TRPM6: variants seen among roughly 807,000 people sequenced by gnomAD.
The protein encoded by TRPM6 is transient receptor potential cation channel subfamily M member 6.
TRPM6 carries 111 observed loss-of-function variants against 247.6 expected under a neutral mutation model. The observed-to-expected ratio is 0.45, with a 90% CI of 0.38 to 0.52. The LOEUF (loss-of-function observed/expected upper bound fraction) is 0.52. Among genes scored for constraint, TRPM6 ranks in the 20% least tolerant of loss-of-function variants. TRPM6 has a pLI of 0.00. For synonymous variants in TRPM6, 892 were observed against 853.8 expected, an observed-to-expected ratio of 1.04 and a Z score of -0.78; for missense variants, 2,126 against 2,421.5, an observed-to-expected ratio of 0.88 and a Z score of 2.56.
chr9:74,887,368 C>T, intron 1 of TRPM6: 2 of 1,391,642 alleles, frequency 1.4e-6, no homozygotes, highest in Non-Finnish European at 1.9e-6. Flanking sequence ...GGCTAGTCAG[C>T]GTCCGGGTCT....
intron 3 of TRPM6, among the ~76,000 whole-genome samples, chr9:74,847,262 G>A (rs561847353): frequency 6.6e-6 from 1 of 152,242 alleles, no homozygotes; most frequent in East Asian, 1.9e-4. Flanking sequence ...GTGCAGTGGT[G>A]TGACCATGGC....
intron 17 of TRPM6, among the ~76,000 whole-genome samples, chr9:74,798,632 G>A (rs1828186291): frequency 6.6e-6 from 1 of 152,006 alleles, no homozygotes; most frequent in South Asian, 2.1e-4. Context: ...CTCTCTACAT[G>A]GTTTTCCTAC....
At position 74,788,594 on chromosome 9, in the gene TRPM6, A is replaced by C; in HGVS notation, c.2667+20T>G. The C allele has an allele frequency of 6.2e-7, 1 of 1,613,660 alleles. No homozygotes were observed. The highest frequency in any genetic ancestry group is 8.5e-7 in the Non-Finnish European group (1 of 1,179,684). ...AGCTGAGGACATATGCAGAAGATAAAGGTAGATGGCATAACTCACCTCCCT... is the reference window on the plus strand; with the variant it reads ...AGCTGAGGACATATGCAGAAGATAACGGTAGATGGCATAACTCACCTCCCT... On this transcript the variant is annotated intron_variant, in intron 20 of 38. Transcript: ENST00000360774.
chr9:74,812,332 A>G lies in TRPM6; in HGVS notation c.1410T>C (p.Leu470=). The change falls in exon 12 of 39, where the codon CTT becomes CTC. Residue 470 remains leucine (L), a synonymous_variant. Coordinates refer to ENST00000360774, the MANE Select transcript of TRPM6 (RefSeq NM_017662.5). ...IEYGVNLHRF[L]TIPRLEELYN... ...AGAGCTCTTCCAGTCGAGGGATGGT[A>G]AGAAAGCGATGGAGGTTCACTCCAT... 2 of 1,613,976 alleles carry G rather than the reference A, an allele frequency of 1.2e-6. No individual in the cohort carries two copies. The highest frequency in any genetic ancestry group is 1.7e-6 in the Non-Finnish European group (2 of 1,179,924).
chr9:74,831,029 T>G (rs1416309915), intron 6 of TRPM6, among the ~76,000 whole-genome samples: 1 of 152,106 alleles, frequency 6.6e-6, no homozygotes, highest in Non-Finnish European at 1.5e-5. Flanking sequence ...TATCAAAGAT[T>G]TACATATCTT....
At chr9:74,747,949 G>A (rs1488577399) in intron 30 of TRPM6, 35 bp from the exon 31 acceptor site, 1 of 1,600,248 alleles carries the variant, frequency 6.2e-7, no homozygotes, top group East Asian at 2.2e-5. Context: ...TTTAGATAAT[G>A]CTGCCTTAAA....
At chr9:74,744,253 CTTCTCAGTA>C in intron 31 of TRPM6, 108 bp from the exon 32 acceptor site, 1 of 1,227,408 alleles carries the variant, frequency 8.1e-7, no homozygotes. Flanking sequence ...ATCAGAATGG[CTTCTCAGTA>C]TTCGAAAAAG....
intron 1 of TRPM6, among the ~76,000 whole-genome samples, chr9:74,880,770 AAC>A (rs1250492558): frequency 1.3e-5 from 2 of 152,216 alleles, no homozygotes; most frequent in Non-Finnish European, 2.9e-5. Context: ...TAATAGGACA[AAC>A]ACACAAATAA....
intron 13 of TRPM6, 22 bp from the exon 14 acceptor site, chr9:74,808,196 A>G (rs746039767): frequency 1.9e-6 from 3 of 1,613,670 alleles, no homozygotes; most frequent in Non-Finnish European, 2.5e-6. Flanking sequence ...ACATGCAACG[A>G]CTTTTAACTT....
At chr9:74,767,535 C>T (rs75422687) in intron 25 of TRPM6, among the ~76,000 whole-genome samples, 15,592 of 152,098 alleles carry the variant, frequency 0.1, 910 homozygotes, top group South Asian at 0.22. Context: ...GCTCAGTTAC[C>T]TCAGGAAATA....
chr9:74,735,079 G>T (rs1825649325), intron 36 of TRPM6, among the ~76,000 whole-genome samples: 1 of 152,070 alleles, frequency 6.6e-6, no homozygotes, highest in Non-Finnish European at 1.5e-5. Flanking sequence ...AATTAGCCAG[G>T]TGTGGTGGCG....
At position 74,722,881 on chromosome 9, in the gene TRPM6, A is replaced by G. The variant is rs1353425518; in HGVS notation, c.*1732T>C. On this transcript the variant is annotated 3_prime_UTR_variant, in exon 39 of 39. Transcript: ENST00000360774. ...CCTTCCTTTTCAACATTTCCCCTGT[A>G]TGCCTAAGAATGCAAGAGTGTAGAT... The G allele has an allele frequency of 1.3e-5, 2 of 152,182 alleles. No individual in the cohort carries two copies. Among genetic ancestry groups the G allele is most frequent in the Non-Finnish European group, 2.9e-5 (2 of 68,020 alleles). 9.4% of individuals were successfully genotyped at this position (152,182 alleles called of 1,614,324 possible).
intron 11 of TRPM6, among the ~76,000 whole-genome samples, chr9:74,813,766 G>A (rs1369737155): frequency 1.3e-5 from 2 of 152,146 alleles, no homozygotes; most frequent in Non-Finnish European, 2.9e-5. Context: ...AACTTCAAAA[G>A]AGCTCTCATT....
chr9:74,750,532 A>G (rs1246823489), intron 30 of TRPM6, 132 bp downstream of exon 30: 2 of 840,716 alleles, frequency 2.4e-6, no homozygotes, highest in Non-Finnish European at 4.0e-6. Context: ...TTCTGCTAAC[A>G]AGAGAAAAGT....
At chr9:74,754,886 C>T (rs960895088) in intron 28 of TRPM6, among the ~76,000 whole-genome samples, 5 of 152,166 alleles carry the variant, frequency 3.3e-5, no homozygotes, top group Non-Finnish European at 7.3e-5. Context: ...CCTCTACAAA[C>T]ACCATTATTA....
At chr9:74,833,443 C>A (rs1020196676) in intron 6 of TRPM6, among the ~76,000 whole-genome samples, 2 of 152,086 alleles carry the variant, frequency 1.3e-5, no homozygotes, top group African/African-American at 4.8e-5. Flanking sequence ...ACTAGGAGGG[C>A]CAAATTAAGA....
At chr9:74,855,494 A>G in intron 3 of TRPM6, 33 bp downstream of exon 3, 1 of 1,540,768 alleles carries the variant, frequency 6.5e-7, no homozygotes, top group Middle Eastern at 1.7e-4. Flanking sequence ...GGTGCCTAAA[A>G]GCTAAAAGGA....
rs1285850411 is a variant in TRPM6 at position 74,816,746 on chromosome 9, G to T, written c.1231C>A (p.Gln411Lys). The change falls in exon 11 of 39, where the codon CAA (glutamine) becomes AAA (lysine). Residue 411 changes from glutamine (Q) to lysine (K), a missense_variant. Around this residue, in one of 3 missense-constraint regions of TRPM6, gnomAD observed 1,082 missense variants for 1,307.9 expected, o/e 0.83. Coordinates refer to ENST00000360774, the MANE Select transcript of TRPM6 (RefSeq NM_017662.5). ...TCCCAAGCCATTGCCAGATTTAATT[G>T]CTCTGACGCTGATAAATTTGTGCCT... is the stretch of plus-strand genomic sequence containing the variant. ...LKGTNLSASE[Q>K]LNLAMAWDRV... is the part of the protein sequence containing the mutation. 6.2e-7 allele frequency: 1 copy of T among 1,613,966 alleles called. No homozygotes were observed. The highest frequency in any genetic ancestry group is 1.3e-5 in the African/African-American group (1 of 74,886).
At chr9:74,753,884 C>A (rs903392189) in intron 28 of TRPM6, among the ~76,000 whole-genome samples, 1 of 152,080 alleles carries the variant, frequency 6.6e-6, no homozygotes, top group African/African-American at 2.4e-5. Context: ...GCCGGGCACT[C>A]GGATCAACCT....
Sources: gnomAD v4.1 joint callset for allele counts (sites outside exome capture counted in the v4.1 genomes callset) on GRCh38, gnomAD v4.1.1 for gene constraint, gnomAD v4.1.1 regional missense constraint, MANE v1.5 for transcripts, NCBI Gene and HGNC (gene_info 2026-07-23, HGNC 2026-07-21) for gene names.